Variants in CPPED1 observed in about 807,000 individuals in gnomAD.
CPPED1 encodes the protein calcineurin like phosphoesterase domain containing 1, also known as serine/threonine-protein phosphatase CPPED1.
A neutral mutation model predicts 28.0 loss-of-function variants in CPPED1; 28 were observed. That is an observed-to-expected ratio of 1.00 (90% CI 0.74 to 1.37). The LOEUF is 1.37. CPPED1 is among the 40% of genes most tolerant of loss of function. The probability of loss-of-function intolerance (pLI) is 0.00; values close to 1 mark genes in which losing one functional copy is unlikely to be tolerated. For missense variants in CPPED1, 504 were observed against 416.5 expected (o/e 1.21, Z -1.83); for synonymous variants, 198 against 180.2 (o/e 1.10, Z -0.79).
intron 2 of CPPED1, among the ~76,000 whole-genome samples, chr16:12,752,617 T>A (rs1348876760): frequency 6.8e-6 from 1 of 147,470 alleles, no homozygotes; most frequent in African/African-American, 2.5e-5. Context: ...ATATAGTATA[T>A]ATATTTATAT....
chr16:12,762,708 G>A (rs1470412019), intron 2 of CPPED1, among the ~76,000 whole-genome samples: 1 of 152,140 alleles, frequency 6.6e-6, no homozygotes, highest in Non-Finnish European at 1.5e-5. Context: ...GGGAATGACA[G>A]CTAACAGGGA....
intron 2 of CPPED1, among the ~76,000 whole-genome samples, chr16:12,716,089 A>G (rs972720282): frequency 1.6e-4 from 25 of 152,240 alleles, no homozygotes; most frequent in African/African-American, 5.5e-4. Flanking sequence ...GAAGACAACC[A>G]TCTACATATG....
At position 12,685,002 on chromosome 16, in the gene CPPED1, G is replaced by A. The variant is rs575163776; in HGVS notation, c.715+19622C>T. The stretch of plus-strand genomic sequence containing the variant: ...CCTGATTTTACAAAAGAACTGCCAT[G>A]TTCCTTACAGAAGGAGGCCTTACTC... On this transcript the variant is annotated intron_variant, in intron 3 of 3. Coordinates refer to ENST00000381774, the MANE Select transcript of CPPED1 (RefSeq NM_018340.3). Among the ~76,000 whole-genome samples the A allele has an allele frequency of 2.0e-4, 31 of 152,292 alleles. No homozygotes were observed. In the East Asian group the frequency reaches 4.1e-3, roughly 20 times the overall value.
chr16:12,777,028 T>A (rs565945649), intron 2 of CPPED1, among the ~76,000 whole-genome samples: 2 of 152,198 alleles, frequency 1.3e-5, no homozygotes, highest in Non-Finnish European at 2.9e-5. Context: ...AGTCTGAAAT[T>A]TGTCTTTATC....
intron 2 of CPPED1, among the ~76,000 whole-genome samples, chr16:12,758,305 C>T (rs557569161): frequency 9.2e-5 from 14 of 152,138 alleles, no homozygotes; most frequent in Non-Finnish European, 1.9e-4. Context: ...CATTGGGGTC[C>T]AGGAGCATGC....
At chr16:12,789,158 A>G (rs550883647) in intron 1 of CPPED1, among the ~76,000 whole-genome samples, 2 of 151,840 alleles carry the variant, frequency 1.3e-5, no homozygotes, top group Non-Finnish European at 2.9e-5. Context: ...CATGCTAGTG[A>G]CTCTCTGGGT....
At chr16:12,684,847 G>A (rs567414291) in intron 3 of CPPED1, among the ~76,000 whole-genome samples, 1 of 152,134 alleles carries the variant, frequency 6.6e-6, no homozygotes, top group Non-Finnish European at 1.5e-5. Flanking sequence ...ATGGATGGAT[G>A]GATGCACAGT....
In CPPED1 at chr16:12,661,450, T is replaced by A. The variant is rs1418503870; in HGVS notation, c.*3436A>T. 6.6e-6 allele frequency: 1 copy of A among 152,192 alleles called. No homozygotes were observed. The highest frequency in any genetic ancestry group is 2.4e-5 in the African/African-American group (1 of 41,446). The allele number at this position is 152,192 out of a possible 1,614,324, so 9.4% of individuals were successfully genotyped here. On this transcript the variant is annotated 3_prime_UTR_variant, in exon 4 of 4. Coordinates refer to ENST00000381774, the MANE Select transcript of CPPED1 (RefSeq NM_018340.3). ...GAGAAACTTGACTAAAGATGTGAGATAAAATTATTTATTGTAAAAAGTAAA... is the reference window on the plus strand; with the variant it reads ...GAGAAACTTGACTAAAGATGTGAGAAAAAATTATTTATTGTAAAAAGTAAA...
chr16:12,797,118 T>C (rs1418679535), intron 1 of CPPED1, among the ~76,000 whole-genome samples: 2 of 152,152 alleles, frequency 1.3e-5, no homozygotes. Context: ...TGCAAGTGGG[T>C]ATAAAACCAC....
At chr16:12,785,574 T>C (rs978807860) in intron 1 of CPPED1, among the ~76,000 whole-genome samples, 28 of 152,014 alleles carry the variant, frequency 1.8e-4, no homozygotes, top group Admixed American at 3.9e-4. Context: ...ATTACAGGCA[T>C]GCAGCACCAC....
At chr16:12,713,193 A>C (rs1485176030) in intron 2 of CPPED1, among the ~76,000 whole-genome samples, 2 of 152,106 alleles carry the variant, frequency 1.3e-5, no homozygotes, top group Non-Finnish European at 1.5e-5. Context: ...CTGAATCTGA[A>C]TAATTACATT....
At chr16:12,730,812 C>A (rs977606908) in intron 2 of CPPED1, among the ~76,000 whole-genome samples, 2 of 152,202 alleles carry the variant, frequency 1.3e-5, no homozygotes, top group African/African-American at 4.8e-5. Context: ...TGGAGTCTGG[C>A]AAATGTTCCA....
rs201377568 is a variant in CPPED1, at chr16:12,781,296, C to G, written c.178G>C (p.Glu60Gln). 1 of 1,614,000 alleles carries G rather than the reference C, an allele frequency of 6.2e-7. No homozygotes were observed. The highest frequency in any genetic ancestry group is 1.3e-5 in the African/African-American group (1 of 74,914). ...STGDCDNGGD[E>Q]WEQEIRLTEQ... ...GTTAGACGGATCTCCTGTTCCCATT[C>G]GTCACCGCCATTGTCACAGTCCCCA... is the stretch of plus-strand genomic sequence containing the variant. Residue 60 changes from glutamate to glutamine, a missense_variant, in exon 2 of 4, where the codon GAA becomes CAA. By Grantham distance (29) the Glu-to-Gln change is conservative. Coordinates refer to ENST00000381774, the MANE Select transcript of CPPED1 (RefSeq NM_018340.3).
intron 3 of CPPED1, among the ~76,000 whole-genome samples, chr16:12,701,805 C>T (rs13330825): frequency 0.54 from 82,585 of 151,962 alleles, 22,722 homozygotes; most frequent in Admixed American, 0.62. Context: ...TACAGAGACA[C>T]GAAGGAGGTA....
chr16:12,799,447 T>G (rs1311433116), intron 1 of CPPED1, among the ~76,000 whole-genome samples: 1 of 152,118 alleles, frequency 6.6e-6, no homozygotes, highest in Admixed American at 6.6e-5. Context: ...GGTTTCGCCA[T>G]GTTGGCCAGA....
At chr16:12,702,474 G>C (rs2080025547) in intron 3 of CPPED1, among the ~76,000 whole-genome samples, 1 of 152,066 alleles carries the variant, frequency 6.6e-6, no homozygotes, top group Admixed American at 6.6e-5. Flanking sequence ...GGAGGTCGAG[G>C]CTGCAGTGAG....
chr16:12,686,954 C>G (rs11863497), intron 3 of CPPED1, among the ~76,000 whole-genome samples: 20 of 151,978 alleles, frequency 1.3e-4, no homozygotes, highest in African/African-American at 4.8e-4. Context: ...TGATTCAGTA[C>G]GTACACCAGG....
intron 2 of CPPED1, among the ~76,000 whole-genome samples, chr16:12,766,292 G>GAGAA (rs2080438925): frequency 2.7e-5 from 4 of 146,598 alleles, no homozygotes; most frequent in African/African-American, 7.9e-5. Flanking sequence ...GAGAGAGAGA[G>GAGAA]AAAGAGAGAG....
At chr16:12,683,744 T>C (rs2079918134) in intron 3 of CPPED1, among the ~76,000 whole-genome samples, 1 of 152,180 alleles carries the variant, frequency 6.6e-6, no homozygotes, top group Non-Finnish European at 1.5e-5. Flanking sequence ...ATCTTCCTGG[T>C]TGCCTGATCT....
Sources: allele counts gnomAD v4.1 joint callset (sites outside exome capture counted in the v4.1 genomes callset), GRCh38; gene constraint gnomAD v4.1.1; transcripts MANE v1.5; gene names NCBI Gene and HGNC (gene_info 2026-07-23, HGNC 2026-07-21).